The following DNA2 variants were observed in gnomAD, a reference collection of about 807,000 sequenced individuals.
The protein encoded by DNA2 is DNA replication helicase/nuclease 2.
DNA2 carries 101 observed loss-of-function variants against 119.1 expected under a neutral mutation model. The ratio of observed to expected loss-of-function variants is 0.85; its 90% CI spans 0.72 to 1.00. The LOEUF (loss-of-function observed/expected upper bound fraction) is 1.00. Ranked by LOEUF, DNA2 falls within the 50% of genes least tolerant of loss-of-function variation. DNA2 has a pLI of 0.00. For synonymous variants in DNA2, 366 were observed against 424.4 expected (o/e 0.86, Z 1.69); for missense variants, 1,121 against 1,255.5 (o/e 0.89, Z 1.62).
At position 68,468,332 on chromosome 10, in the gene DNA2, T is replaced by C. The variant is rs1001382698; in HGVS notation, c.258-26A>G. 2.7e-6 allele frequency: 4 copies of C among 1,474,654 alleles called. No individual in the cohort carries two copies. The African/African-American group carries it at 5.6e-5, about 21-fold the overall frequency. The allele number at this position is 1,474,654 out of a possible 1,614,324, so 91.3% of individuals were successfully genotyped here. A position where few individuals can be genotyped will look rare whatever the true frequency, so the allele number is the denominator to read the frequency against. On this transcript the variant is annotated intron_variant, in intron 2 of 20. Coordinates refer to ENST00000358410, the MANE Select transcript of DNA2 (RefSeq NM_001080449.3). ...CTGAAAATAAAGCAAAGTTAAAGTA[T>C]AAATACATAGCTTAGGTTCCTACAT...
chr10:68,465,025 T>C (rs75488814), intron 4 of DNA2, among the ~76,000 whole-genome samples: 4 of 135,864 alleles, frequency 2.9e-5, no homozygotes, highest in South Asian at 2.8e-4. Flanking sequence ...TGCATTTTTT[T>C]TTTTTTTTTT....
chr10:68,421,528 C>T (rs141006301), intron 17 of DNA2, among the ~76,000 whole-genome samples: 4,446 of 151,906 alleles, frequency 0.029, 194 homozygotes, highest in African/African-American at 0.1. Flanking sequence ...CTGAAGCAGG[C>T]GGATCATTTG....
chr10:68,465,953 T>C, intron 3 of DNA2, 141 bp from the exon 4 acceptor site: 3 of 582,624 alleles, frequency 5.1e-6, no homozygotes, highest in Non-Finnish European at 7.8e-6. Flanking sequence ...TTTTTTCTGG[T>C]GCGTGGAATT....
Position 68,445,096 on chromosome 10 carries a change from A to T in DNA2, c.1058-13T>A. 3 of 1,580,856 alleles carry T rather than the reference A, an allele frequency of 1.9e-6. No homozygotes were observed. The highest frequency in any genetic ancestry group is 1.7e-6 in the Non-Finnish European group (2 of 1,162,586). On this transcript the variant is annotated splice_polypyrimidine_tract_variant and intron_variant, in intron 7 of 20. Transcript: ENST00000358410. ...AGCTTTAATAATTCTATGAAAAAAA[A>T]GGTGAATGTCTTTTTAAGAGTTAAA...
intron 5 of DNA2, 116 bp from the exon 6 acceptor site, chr10:68,450,363 A>G (rs2052103036): frequency 1.3e-6 from 1 of 779,320 alleles, no homozygotes; most frequent in African/African-American, 1.8e-5. Context: ...GAGTCTACCT[A>G]CCTTTACAGC....
At chr10:68,468,879 G>A (rs1447138141) in intron 2 of DNA2, among the ~76,000 whole-genome samples, 5 of 151,988 alleles carry the variant, frequency 3.3e-5, no homozygotes, top group Admixed American at 1.3e-4. Context: ...GTGAAACCCC[G>A]TCTCTACTAA....
At chr10:68,419,238 A>T (rs775428200) in intron 18 of DNA2, 25 bp from the exon 19 acceptor site, 1 of 1,480,142 alleles carries the variant, frequency 6.8e-7, no homozygotes, top group South Asian at 1.3e-5. Context: ...ACACAATTTA[A>T]AAGAAAGAAA....
At chr10:68,470,200 C>T in intron 1 of DNA2, 37 bp from the exon 2 acceptor site, 1 of 1,525,598 alleles carries the variant, frequency 6.6e-7, no homozygotes, top group Non-Finnish European at 8.8e-7. Context: ...TTAGCACAAC[C>T]ATGAAATAAG....
intron 9 of DNA2, among the ~76,000 whole-genome samples, chr10:68,438,285 C>T (rs1590058967): frequency 6.6e-6 from 1 of 152,042 alleles, no homozygotes; most frequent in Non-Finnish European, 1.5e-5. Flanking sequence ...TTTCGGAGGC[C>T]GAGGCAGGCA....
At position 68,471,778 on chromosome 10, in the gene DNA2, C is replaced by A. The variant is rs370226465; in HGVS notation, c.74+13G>T. The A allele has an allele frequency of 3.4e-5, 54 of 1,590,134 alleles. No individual in the cohort carries two copies. The highest frequency in any genetic ancestry group is 4.1e-5 in the African/African-American group (3 of 73,988). On this transcript the variant is annotated intron_variant, in intron 1 of 20. Transcript: ENST00000358410. Reference sequence around the variant, plus strand: ...CCCGCTTTGTTCCCACACCCTCCCCCCTCTCCGCTCACAGCTCCGCCGGCA... The same window carrying A: ...CCCGCTTTGTTCCCACACCCTCCCCACTCTCCGCTCACAGCTCCGCCGGCA...
chr10:68,431,744 T>C, intron 13 of DNA2, 118 bp downstream of exon 13: 1 of 654,972 alleles, frequency 1.5e-6, no homozygotes, highest in South Asian at 2.3e-5. Context: ...AAAAGTTCAT[T>C]TGAAACAAAG....
intron 6 of DNA2, among the ~76,000 whole-genome samples, chr10:68,448,966 T>TGTGCGC (rs1325187503): frequency 7.6e-6 from 1 of 131,176 alleles, no homozygotes; most frequent in African/African-American, 3.1e-5. Context: ...TGTGTGTGTG[T>TGTGCGC]GCGTGTGTGT....
intron 14 of DNA2, among the ~76,000 whole-genome samples, chr10:68,429,711 CAAAAAAAAAAAAAA>C (rs1165329779): frequency 5.0e-5 from 2 of 40,400 alleles, no homozygotes; most frequent in South Asian, 1.8e-3. Flanking sequence ...GACTCCATCT[CAAAAAAAAAAAAAA>C]AAAAAAGAAA....
chr10:68,460,926 C>A (rs10998199), intron 4 of DNA2, among the ~76,000 whole-genome samples: 18,867 of 149,214 alleles, frequency 0.13, 1,220 homozygotes, highest in East Asian at 0.26. Context: ...AAAAAAAATC[C>A]AAATAACACT....
intron 9 of DNA2, among the ~76,000 whole-genome samples, chr10:68,442,204 C>T (rs377478392): frequency 3.3e-5 from 5 of 151,448 alleles, no homozygotes; most frequent in African/African-American, 4.9e-5. Flanking sequence ...CATGACCCGA[C>T]GCCCTGACAA....
Position 68,414,370 on chromosome 10 carries a change from A to G in DNA2, c.*669T>C, listed in dbSNP as rs563179364. On this transcript the variant is annotated 3_prime_UTR_variant, in exon 21 of 21. Coordinates refer to ENST00000358410, the MANE Select transcript of DNA2 (RefSeq NM_001080449.3). The stretch of plus-strand genomic sequence containing the variant: ...ACATAGGGGCATATGAACATATGTG[A>G]AAATAGGAATCAACTTTTTAAATTT... 6.6e-6 allele frequency: 1 copy of G among 152,300 alleles called. No homozygotes were observed. Among genetic ancestry groups the G allele is most frequent in the African/African-American group, 2.4e-5 (1 of 41,576 alleles). 9.4% of individuals were successfully genotyped at this position (152,300 alleles called of 1,614,324 possible).
intron 8 of DNA2, among the ~76,000 whole-genome samples, chr10:68,443,721 G>A (rs1227067077): frequency 6.6e-6 from 1 of 152,188 alleles, no homozygotes; most frequent in Non-Finnish European, 1.5e-5. Context: ...GGCCAAGGCG[G>A]GTGGATTGAC....
At chr10:68,439,863 A>T (rs2051943971) in intron 9 of DNA2, among the ~76,000 whole-genome samples, 1 of 149,594 alleles carries the variant, frequency 6.7e-6, no homozygotes, top group East Asian at 2.0e-4. Context: ...AAATTAGCTG[A>T]GCATGGTGGC....
chr10:68,452,664 TG>T (rs945000678), intron 5 of DNA2, among the ~76,000 whole-genome samples: 1 of 151,064 alleles, frequency 6.6e-6, no homozygotes, highest in African/African-American at 2.4e-5. Context: ...TTCGACCTCC[TG>T]GGCTCAAGAG....
Sources: allele counts gnomAD v4.1 joint callset (sites outside exome capture counted in the v4.1 genomes callset), GRCh38; gene constraint gnomAD v4.1.1; transcripts MANE v1.5; gene names NCBI Gene and HGNC (gene_info 2026-07-23, HGNC 2026-07-21).